The following FCHSD2 variants were observed in gnomAD, a reference collection of about 807,000 sequenced individuals.
FCHSD2 encodes the protein FCH and double SH3 domains 2.
FCHSD2 carries 38 observed loss-of-function variants against 108.1 expected under a neutral mutation model. The observed-to-expected ratio is 0.35, with a 90% CI of 0.27 to 0.46. FCHSD2 has a LOEUF of 0.46. Ranked by LOEUF, FCHSD2 falls within the 20% of genes least tolerant of loss-of-function variation. The pLI, the probability that FCHSD2 is intolerant of heterozygous loss-of-function variation, is 1.00. For synonymous variants in FCHSD2, 279 were observed against 314.7 expected (o/e 0.89, Z 1.20); for missense variants, 751 against 897.8 (o/e 0.84, Z 2.09).
At chr11:73,001,258 G>T in intron 4 of FCHSD2, 124 bp from the exon 5 acceptor site, 1 of 776,266 alleles carries the variant, frequency 1.3e-6, no homozygotes. Context: ...ATTTATAATG[G>T]CTTATAGGCA....
At chr11:72,983,455 G>A (rs996728052) in intron 8 of FCHSD2, among the ~76,000 whole-genome samples, 3 of 152,166 alleles carry the variant, frequency 2.0e-5, no homozygotes, top group South Asian at 2.1e-4. Flanking sequence ...ACAACAGAGC[G>A]AGACCTTGTC....
At chr11:73,122,561 G>A (rs974396074) in intron 2 of FCHSD2, among the ~76,000 whole-genome samples, 6 of 152,176 alleles carry the variant, frequency 3.9e-5, no homozygotes, top group African/African-American at 1.4e-4. Flanking sequence ...AAGGAATAGA[G>A]ACTTAAATTT....
chr11:73,141,902 C>A lies in FCHSD2; in HGVS notation c.-25G>T. The A allele has an allele frequency of 6.5e-7, 1 of 1,541,456 alleles. No individual in the cohort carries two copies. The highest frequency in any genetic ancestry group is 8.7e-7 in the Non-Finnish European group (1 of 1,144,934). ...TGATGCTGAAGGGACATCAATCCTC[C>A]CCGACGGCAGCGTTAGCAAGGACCA... On this transcript the variant is annotated 5_prime_UTR_variant, in exon 1 of 20. Transcript: ENST00000409418.
intron 9 of FCHSD2, among the ~76,000 whole-genome samples, chr11:72,903,224 T>C (rs1415825139): frequency 8.0e-6 from 1 of 124,988 alleles, no homozygotes; most frequent in African/African-American, 2.8e-5. Flanking sequence ...TTTATTTATT[T>C]ATTTATTTTT....
At chr11:72,925,296 G>T (rs1260462490) in intron 8 of FCHSD2, among the ~76,000 whole-genome samples, 1 of 152,156 alleles carries the variant, frequency 6.6e-6, no homozygotes, top group Non-Finnish European at 1.5e-5. Flanking sequence ...TAAAGGCATT[G>T]TACTTTTAAT....
chr11:72,917,840 C>T (rs915959732), intron 9 of FCHSD2, among the ~76,000 whole-genome samples: 14 of 151,742 alleles, frequency 9.2e-5, no homozygotes, highest in Non-Finnish European at 1.9e-4. Context: ...GTGAGCTGAG[C>T]TCATGCCATT....
chr11:72,961,463 C>T (rs567872270), intron 8 of FCHSD2, among the ~76,000 whole-genome samples: 2 of 151,868 alleles, frequency 1.3e-5, no homozygotes, highest in East Asian at 3.9e-4. Context: ...ACTATGTTGC[C>T]CAGGCTGATA....
In FCHSD2 at chr11:73,028,840, G is replaced by C. The variant is rs141734054; in HGVS notation, c.166-12955C>G. On this transcript the variant is annotated intron_variant, in intron 3 of 19. Coordinates refer to ENST00000409418, the MANE Select transcript of FCHSD2 (RefSeq NM_014824.3). ...TTAAAAGTTTAGCACTTCCCCTTTC[G>C]TTCTCTCCGTCTCTCCTGCCACCAT... Among the ~76,000 whole-genome samples the C allele has an allele frequency of 7.3e-4, 111 of 152,174 alleles. No individual in the cohort carries two copies. In the East Asian group the frequency reaches 0.015, roughly 21 times the overall value.
chr11:72,867,227 A>G (rs1264165942), intron 13 of FCHSD2, among the ~76,000 whole-genome samples: 1 of 152,218 alleles, frequency 6.6e-6, no homozygotes, highest in African/African-American at 2.4e-5. Flanking sequence ...CAGCTATGTA[A>G]TATCAGGCAA....
At chr11:72,989,953 G>A (rs1271505157) in intron 5 of FCHSD2, among the ~76,000 whole-genome samples, 1 of 152,196 alleles carries the variant, frequency 6.6e-6, no homozygotes, top group African/African-American at 2.4e-5. Context: ...GGTGAATAGT[G>A]TGGAGGAGGG....
chr11:73,021,684 C>T (rs1858108821), intron 3 of FCHSD2, among the ~76,000 whole-genome samples: 2 of 151,964 alleles, frequency 1.3e-5, no homozygotes, highest in Non-Finnish European at 2.9e-5. Context: ...TGTAACAAAC[C>T]TGTACATGTT....
At chr11:73,108,902 G>GTT (rs1860414832) in intron 2 of FCHSD2, among the ~76,000 whole-genome samples, 1 of 152,208 alleles carries the variant, frequency 6.6e-6, no homozygotes, top group Non-Finnish European at 1.5e-5. Context: ...ATTTGATTTG[G>GTT]TTTTTATATA....
chr11:72,981,198 G>C (rs1200689117), intron 8 of FCHSD2, among the ~76,000 whole-genome samples: 1 of 152,110 alleles, frequency 6.6e-6, no homozygotes, highest in Non-Finnish European at 1.5e-5. Context: ...GGGCAGGAGG[G>C]ACCAACCCCT....
intron 3 of FCHSD2, among the ~76,000 whole-genome samples, chr11:73,035,269 T>C (rs762398693): frequency 2.0e-5 from 3 of 151,826 alleles, no homozygotes; most frequent in African/African-American, 7.3e-5. Context: ...CTTGGCTCAC[T>C]TGCAACCTCC....
rs1857035903 is a variant in FCHSD2, at chr11:72,973,027, T to G, written c.705+11061A>C. Among the ~76,000 whole-genome samples, 3 of 152,340 alleles carry G rather than the reference T, an allele frequency of 2.0e-5. No homozygotes were observed. In the South Asian group the frequency reaches 6.2e-4, roughly 32 times the overall value. On this transcript the variant is annotated intron_variant, in intron 8 of 19. Transcript: ENST00000409418. The stretch of plus-strand genomic sequence containing the variant: ...TGTACAAGACTGTTGATAACAGCAC[T>G]GTTTGTAACAGTAAAACAATAAACA...
intron 10 of FCHSD2, among the ~76,000 whole-genome samples, chr11:72,902,273 T>C (rs926921018): frequency 6.6e-6 from 1 of 152,216 alleles, no homozygotes; most frequent in Non-Finnish European, 1.5e-5. Flanking sequence ...GTATTGAATA[T>C]TTTTCTTCTT....
At chr11:73,038,038 C>CTAGA (rs1358130634) in intron 3 of FCHSD2, among the ~76,000 whole-genome samples, 1 of 152,166 alleles carries the variant, frequency 6.6e-6, no homozygotes, top group East Asian at 1.9e-4. Context: ...AAGTCTTCTG[C>CTAGA]TAGATGCTAA....
chr11:73,097,097 G>A (rs925647092), intron 2 of FCHSD2, among the ~76,000 whole-genome samples: 17 of 139,942 alleles, frequency 1.2e-4, no homozygotes, highest in African/African-American at 4.5e-4. Flanking sequence ...CGACCTCCCA[G>A]GCTCAAGCAA....
At chr11:72,874,926 T>C (rs964682950) in intron 12 of FCHSD2, among the ~76,000 whole-genome samples, 7 of 152,236 alleles carry the variant, frequency 4.6e-5, no homozygotes, top group African/African-American at 1.7e-4. Flanking sequence ...CAAATCATTT[T>C]TGGAAGCTTT....
Sources: allele counts gnomAD v4.1 joint callset (sites outside exome capture counted in the v4.1 genomes callset), GRCh38; gene constraint gnomAD v4.1.1; transcripts MANE v1.5; gene names NCBI Gene and HGNC (gene_info 2026-07-23, HGNC 2026-07-21).